The following LACTBL1 variants were observed in gnomAD, a reference collection of about 807,000 sequenced individuals.
LACTBL1 encodes the protein beta-lactamase-like protein 1.
LACTBL1 carries 29 observed loss-of-function variants against 39.6 expected under a neutral mutation model. That is an observed-to-expected ratio of 0.73 (90% CI 0.55 to 1.00). The LOEUF (loss-of-function observed/expected upper bound fraction) is 1.00, where lower values mean the gene tolerates loss of function less well. Ranked by LOEUF, LACTBL1 falls within the 50% of genes least tolerant of loss-of-function variation. LACTBL1 has a pLI of 0.00. For synonymous variants in LACTBL1, 361 were observed against 360.7 expected, an observed-to-expected ratio of 1.00 and a Z score of -0.01; for missense variants, 711 against 748.5, an observed-to-expected ratio of 0.95 and a Z score of 0.59.
the LACTBL1 span, chr1:22,972,320 C>T: frequency 1.0e-6 from 1 of 985,168 alleles, no homozygotes; most frequent in African/African-American, 1.7e-5. Context: ...TCTTCATTCT[C>T]TCCAAGGCAT....
chr1:22,972,139 AGAT>A, the LACTBL1 span, among the ~76,000 whole-genome samples: 7,814 of 148,260 alleles, frequency 0.053, 254 homozygotes, highest in South Asian at 0.098. Flanking sequence ...CAAGCTCTAG[AGAT>A]GATGATGATG....
At chr1:22,963,566 C>G (rs1021032082) in intron 1 of LACTBL1, among the ~76,000 whole-genome samples, 1 of 152,208 alleles carries the variant, frequency 6.6e-6, no homozygotes, top group Non-Finnish European at 1.5e-5. Flanking sequence ...CTGCTGTCGT[C>G]CTGATTATGT....
intron 2 of LACTBL1, among the ~76,000 whole-genome samples, chr1:22,961,653 C>T (rs1171531817): frequency 7.2e-5 from 11 of 152,070 alleles, no homozygotes; most frequent in South Asian, 2.1e-4. Flanking sequence ...CACGAGCCAC[C>T]GCACCTGGCC....
At chr1:22,962,815 T>G (rs1320230569) in intron 2 of LACTBL1, among the ~76,000 whole-genome samples, 1 of 152,128 alleles carries the variant, frequency 6.6e-6, no homozygotes, top group Non-Finnish European at 1.5e-5. Context: ...TAAGGCCTGT[T>G]CCTTTGTGCC....
chr1:22,954,355 A>G (rs1353503472), intron 5 of LACTBL1, among the ~76,000 whole-genome samples: 3 of 152,190 alleles, frequency 2.0e-5, no homozygotes, highest in Non-Finnish European at 4.4e-5. Flanking sequence ...CTAATGGAAA[A>G]TTAAAGGCTT....
In LACTBL1 at chr1:22,960,108, A is replaced by T. The variant is rs1247911644; in HGVS notation, c.160-9T>A. 1.9e-6 allele frequency: 3 copies of T among 1,550,400 alleles called. No homozygotes were observed. The highest frequency in any genetic ancestry group is 1.7e-6 in the Non-Finnish European group (2 of 1,146,956). On this transcript the variant is annotated splice_polypyrimidine_tract_variant and intron_variant, in intron 2 of 5. Transcript: ENST00000426928. ...CGCAGGATCTGGTCCACCTTGAGGG[A>T]AAAGAACGGGTGCAGTGACAGGCCC...
rs564328533 is a variant in LACTBL1 at position 22,958,871 on chromosome 1, A to G, written c.367T>C (p.Trp123Arg). The change falls in exon 4 of 6, where the codon TGG (tryptophan) becomes CGG (arginine). Residue 123 changes from tryptophan (W) to arginine (R), a missense_variant. By Grantham distance (101) the Trp-to-Arg change is moderately radical. Coordinates refer to ENST00000426928, the Ensembl canonical transcript of LACTBL1. ...AGGGAGGCCACGATGCCCTCCTCCC[A>G]CAGACGGTACAGCATGAGGACAGGA... The G allele has an allele frequency of 2.9e-5, 45 of 1,550,530 alleles. No individual in the cohort carries two copies. In the African/African-American group the frequency reaches 5.9e-4, roughly 20 times the overall value.
At chr1:22,953,876 G>C (rs1398639512) in exon 6 of LACTBL1, 3 of 1,549,076 alleles carry the variant, frequency 1.9e-6, no homozygotes, top group Admixed American at 2.0e-5. Context: ...AGGCGCGCGC[G>C]CACGTCGGGC....
chr1:22,965,240 G>C, intron 1 of LACTBL1, 50 bp downstream of exon 3: 1 of 1,292,170 alleles, frequency 7.7e-7, no homozygotes. Flanking sequence ...CAAAGCCCAG[G>C]AGGACCCAGG....
intron 1 of LACTBL1, among the ~76,000 whole-genome samples, 191 bp from the exon 4 acceptor site, chr1:22,963,407 G>A (rs1431587879): frequency 6.6e-6 from 1 of 152,182 alleles, no homozygotes; most frequent in Non-Finnish European, 1.5e-5. Flanking sequence ...CCCTTGGGGA[G>A]GAGGCACAGC....
At chr1:22,957,125 G>T (rs1640769448) in intron 4 of LACTBL1, among the ~76,000 whole-genome samples, 1 of 151,974 alleles carries the variant, frequency 6.6e-6, no homozygotes, top group South Asian at 2.1e-4. Flanking sequence ...TACAAAATAT[G>T]CTGTTACATG....
intron 4 of LACTBL1, among the ~76,000 whole-genome samples, chr1:22,957,708 T>C (rs1448724291): frequency 7.4e-6 from 1 of 135,248 alleles, no homozygotes; most frequent in African/African-American, 2.8e-5. Flanking sequence ...TGGAGTGCAA[T>C]GACGCGATCT....
intron 1 of LACTBL1, among the ~76,000 whole-genome samples, chr1:22,963,819 G>A (rs2124237153): frequency 6.6e-6 from 1 of 152,194 alleles, no homozygotes; most frequent in African/African-American, 2.4e-5. Flanking sequence ...GGGTGTGAAG[G>A]GGGATGAGCA....
At chr1:22,964,800 T>C (rs1171378396) in intron 1 of LACTBL1, among the ~76,000 whole-genome samples, 1 of 152,180 alleles carries the variant, frequency 6.6e-6, no homozygotes, top group Non-Finnish European at 1.5e-5. Context: ...CTGGTAGTTA[T>C]CACTGTCAGT....
chr1:22,963,102 C>T lies in LACTBL1; in HGVS notation c.159+5G>A. On this transcript the variant is annotated splice_donor_5th_base_variant and intron_variant, in intron 2 of 5. Coordinates refer to ENST00000426928, the Ensembl canonical transcript of LACTBL1. Reference sequence around the variant, plus strand: ...TGCCCAGTTTCCTCCTGGGTCATCACTGACCTTTTCCAGGGCCTCCTTCAA... The same window carrying T: ...TGCCCAGTTTCCTCCTGGGTCATCATTGACCTTTTCCAGGGCCTCCTTCAA... 1 of 1,284,074 alleles carries T rather than the reference C, an allele frequency of 7.8e-7. No homozygotes were observed. The allele number at this position is 1,284,074 out of a possible 1,614,324, so 79.5% of individuals were successfully genotyped here.
chr1:22,963,277 A>G (rs1640845232), intron 1 of LACTBL1, 61 bp from the exon 4 acceptor site: 3 of 1,001,580 alleles, frequency 3.0e-6, no homozygotes, highest in Non-Finnish European at 4.1e-6. Context: ...CTAGGGGGAA[A>G]GTGGCAGCAA....
At chr1:22,953,974 G>A (rs1640737928) in exon 6 of LACTBL1, 1 of 1,548,822 alleles carries the variant, frequency 6.5e-7, no homozygotes, top group Non-Finnish European at 8.7e-7. Context: ...GGCGGTGTGA[G>A]CTGCCAGGAC....
upstream of LACTBL1, among the ~76,000 whole-genome samples, chr1:22,968,393 T>C (rs75965077): frequency 3.9e-5 from 6 of 152,208 alleles, no homozygotes; most frequent in Admixed American, 3.3e-4. Context: ...AAAGTTGTCA[T>C]TCCAATTTAT....
At chr1:22,955,892 T>G (rs1378442305) in intron 4 of LACTBL1, among the ~76,000 whole-genome samples, 2 of 150,948 alleles carry the variant, frequency 1.3e-5, no homozygotes, top group African/African-American at 2.4e-5. Flanking sequence ...TGAAACCCCA[T>G]CTCTTCTAAA....
Sources: allele counts gnomAD v4.1 joint callset (sites outside exome capture counted in the v4.1 genomes callset), GRCh38; gene constraint gnomAD v4.1.1; transcripts MANE v1.5; gene names NCBI Gene and HGNC (gene_info 2026-07-23, HGNC 2026-07-21).